The following EXT1 variants were observed in gnomAD, a reference collection of about 807,000 sequenced individuals.
EXT1 encodes the protein exostosin-1.
Under a neutral mutation model 82.5 loss-of-function variants are expected in EXT1, and 20 were observed. The observed-to-expected ratio is 0.24, with a 90% CI of 0.17 to 0.35. The LOEUF (loss-of-function observed/expected upper bound fraction) is 0.35. Among genes scored for constraint, EXT1 ranks in the 10% least tolerant of loss-of-function variants. The probability of loss-of-function intolerance (pLI) is 1.00; values close to 1 mark genes in which losing one functional copy is unlikely to be tolerated. For synonymous variants in EXT1, 348 were observed against 350.8 expected, an observed-to-expected ratio of 0.99 and a Z score of 0.09; for missense variants, 757 against 936.5, an observed-to-expected ratio of 0.81 and a Z score of 2.50.
intron 1 of EXT1, among the ~76,000 whole-genome samples, chr8:118,014,973 G>C (rs1340503445): frequency 2.0e-5 from 3 of 152,124 alleles, no homozygotes; most frequent in Non-Finnish European, 4.4e-5. Context: ...ACTCTGTTTT[G>C]GAGCATTTGT....
chr8:118,089,218 C>A (rs1463341625), intron 1 of EXT1, among the ~76,000 whole-genome samples: 1 of 152,092 alleles, frequency 6.6e-6, no homozygotes, highest in Non-Finnish European at 1.5e-5. Context: ...CAAAGCCCCC[C>A]AAAATTTTGC....
At chr8:118,088,136 T>C (rs1284173763) in intron 1 of EXT1, among the ~76,000 whole-genome samples, 1 of 152,106 alleles carries the variant, frequency 6.6e-6, no homozygotes, top group Admixed American at 6.6e-5. Context: ...GGCTTATTAC[T>C]TGGGAACTCA....
At chr8:117,900,798 T>C (rs1813432769) in intron 1 of EXT1, among the ~76,000 whole-genome samples, 2 of 151,980 alleles carry the variant, frequency 1.3e-5, no homozygotes, top group South Asian at 2.1e-4. Context: ...GGACTAAGGG[T>C]AAAAAAAGGC....
intron 1 of EXT1, among the ~76,000 whole-genome samples, chr8:117,863,433 TTTG>T (rs1167458472): frequency 1.6e-5 from 2 of 125,906 alleles, no homozygotes; most frequent in African/African-American, 5.9e-5. Context: ...TTTTGGCATG[TTTG>T]TTGTTTGTTT....
chr8:118,056,428 C>T (rs1418278243), intron 1 of EXT1, among the ~76,000 whole-genome samples: 7 of 152,190 alleles, frequency 4.6e-5, no homozygotes, highest in Non-Finnish European at 1.0e-4. Context: ...TGAATGGACT[C>T]AGTGAAACCC....
intron 1 of EXT1, among the ~76,000 whole-genome samples, chr8:117,931,557 G>A (rs1814062447): frequency 6.6e-6 from 1 of 151,988 alleles, no homozygotes; most frequent in Non-Finnish European, 1.5e-5. Context: ...CAGACACCTA[G>A]GCGTGGTTAT....
intron 1 of EXT1, among the ~76,000 whole-genome samples, chr8:118,049,571 T>G (rs1039653185): frequency 6.6e-6 from 1 of 152,134 alleles, no homozygotes; most frequent in African/African-American, 2.4e-5. Flanking sequence ...CACGGTCTAT[T>G]TGAATGCTGC....
At chr8:117,935,111 T>C (rs1330137420) in intron 1 of EXT1, among the ~76,000 whole-genome samples, 2 of 152,038 alleles carry the variant, frequency 1.3e-5, no homozygotes, top group Non-Finnish European at 2.9e-5. Flanking sequence ...GACATATACA[T>C]CTCCTAGGAT....
At chr8:117,904,949 C>G (rs1401889433) in intron 1 of EXT1, among the ~76,000 whole-genome samples, 3 of 152,164 alleles carry the variant, frequency 2.0e-5, no homozygotes, top group African/African-American at 7.2e-5. Flanking sequence ...GGTGTGCTCA[C>G]TTTGTGAAAA....
intron 1 of EXT1, among the ~76,000 whole-genome samples, chr8:117,995,484 G>T (rs530112355): frequency 3.6e-4 from 55 of 152,302 alleles, no homozygotes; most frequent in Non-Finnish European, 4.6e-4. Flanking sequence ...CATGGCGTGG[G>T]TGGGGACACA....
intron 1 of EXT1, among the ~76,000 whole-genome samples, chr8:117,846,563 T>C (rs991095307): frequency 6.6e-6 from 1 of 150,846 alleles, no homozygotes; most frequent in Non-Finnish European, 1.5e-5. Flanking sequence ...AGGGAGGGGG[T>C]GCAGGGGGAA....
rs1238570711 is a variant in EXT1, at chr8:117,973,242, T to A, written c.963-136041A>T. 2.0e-5 allele frequency among the ~76,000 whole-genome samples: 3 copies of A among 152,214 alleles called. No homozygotes were observed. The East Asian group carries it at 5.8e-4, about 29-fold the overall frequency. ...TGGTAGCACGTGATACAAGACAAAA[T>A]GACAGGAGAGTGGGAATTGCAGTAA... is the stretch of plus-strand genomic sequence containing the variant. On this transcript the variant is annotated intron_variant, in intron 1 of 10. Transcript: ENST00000378204.
chr8:117,859,513 G>A (rs746339864), intron 1 of EXT1, among the ~76,000 whole-genome samples: 2 of 152,118 alleles, frequency 1.3e-5, no homozygotes, highest in South Asian at 2.1e-4. Context: ...ATCCTTGTAG[G>A]GTAGTGCAAG....
At chr8:117,900,323 T>C (rs922025524) in intron 1 of EXT1, among the ~76,000 whole-genome samples, 6 of 152,222 alleles carry the variant, frequency 3.9e-5, no homozygotes, top group Non-Finnish European at 7.3e-5. Context: ...CACCTGCTTT[T>C]CATATAGAAA....
At chr8:117,915,079 T>C (rs1269043017) in intron 1 of EXT1, among the ~76,000 whole-genome samples, 1 of 152,194 alleles carries the variant, frequency 6.6e-6, no homozygotes, top group Non-Finnish European at 1.5e-5. Context: ...CAATATGTGA[T>C]GTCACCCCCA....
chr8:117,986,545 C>G (rs1245987018), intron 1 of EXT1, among the ~76,000 whole-genome samples: 1 of 152,138 alleles, frequency 6.6e-6, no homozygotes, highest in Non-Finnish European at 1.5e-5. Flanking sequence ...AAAAATAAGA[C>G]CAAAGCCCAT....
chr8:118,042,268 C>T (rs1816545829), intron 1 of EXT1, among the ~76,000 whole-genome samples: 1 of 152,014 alleles, frequency 6.6e-6, no homozygotes, highest in East Asian at 1.9e-4. Flanking sequence ...TAAGTCTTTC[C>T]CAAATCCACC....
At chr8:118,062,485 G>A (rs974220155) in intron 1 of EXT1, among the ~76,000 whole-genome samples, 5 of 152,168 alleles carry the variant, frequency 3.3e-5, no homozygotes, top group Admixed American at 6.5e-5. Context: ...ACTCCACAAA[G>A]TGAGAGGATT....
At chr8:117,994,342 T>C (rs1221562484) in intron 1 of EXT1, among the ~76,000 whole-genome samples, 1 of 152,198 alleles carries the variant, frequency 6.6e-6, no homozygotes, top group Admixed American at 6.5e-5. Context: ...CTGGGCACAG[T>C]TGCTCACACC....
Sources: gnomAD v4.1 joint callset for allele counts (sites outside exome capture counted in the v4.1 genomes callset) on GRCh38, gnomAD v4.1.1 for gene constraint, MANE v1.5 for transcripts, NCBI Gene and HGNC (gene_info 2026-07-23, HGNC 2026-07-21) for gene names.